NOSIP: variants seen among roughly 807,000 people sequenced by gnomAD.
The protein encoded by NOSIP is nitric oxide synthase-interacting protein.
NOSIP carries 25 observed loss-of-function variants against 36.4 expected under a neutral mutation model. The ratio of observed to expected loss-of-function variants is 0.69; its 90% CI spans 0.50 to 0.96. The LOEUF (loss-of-function observed/expected upper bound fraction) is 0.96. Among genes scored for constraint, NOSIP ranks in the 40% least tolerant of loss-of-function variants. The pLI is 0.00. For missense variants in NOSIP, 370 were observed against 429.0 expected, an observed-to-expected ratio of 0.86 and a Z score of 1.21; for synonymous variants, 187 against 179.2, an observed-to-expected ratio of 1.04 and a Z score of -0.35.
At chr19:49,564,977 C>T (rs75391587) in intron 1 of NOSIP, among the ~76,000 whole-genome samples, 1 of 152,258 alleles carries the variant, frequency 6.6e-6, no homozygotes, top group East Asian at 1.9e-4. Context: ...GTAATTACTA[C>T]ACCAGAAGTT....
chr19:49,558,038 T>C (rs2080278455), intron 4 of NOSIP: 1 of 590,146 alleles, frequency 1.7e-6, no homozygotes, highest in Admixed American at 6.3e-5. Context: ...AGACCCACTG[T>C]GCCTCAAACA....
chr19:49,578,708 G>A (rs943606323), intron 1 of NOSIP, among the ~76,000 whole-genome samples: 6 of 150,518 alleles, frequency 4.0e-5, no homozygotes, highest in African/African-American at 9.8e-5. Flanking sequence ...GTGCAGTGGC[G>A]TGATCTCGGC....
intron 1 of NOSIP, among the ~76,000 whole-genome samples, chr19:49,576,059 C>T (rs1053459243): frequency 2.6e-5 from 4 of 152,024 alleles, no homozygotes; most frequent in South Asian, 2.1e-4. Context: ...GGCATGAACC[C>T]GGGAGGTGGA....
At chr19:49,566,467 C>T (rs2080409520) in intron 1 of NOSIP, among the ~76,000 whole-genome samples, 1 of 152,100 alleles carries the variant, frequency 6.6e-6, no homozygotes, top group Non-Finnish European at 1.5e-5. Context: ...CACCACCATG[C>T]CCAGCTAATT....
At chr19:49,567,756 C>T (rs957809475) in intron 1 of NOSIP, among the ~76,000 whole-genome samples, 4 of 152,148 alleles carry the variant, frequency 2.6e-5, no homozygotes, top group African/African-American at 4.8e-5. Flanking sequence ...TGCAACCTCT[C>T]TGCCTCCTGT....
intron 8 of NOSIP, among the ~76,000 whole-genome samples, chr19:49,556,071 AG>A (rs2080234957): frequency 9.4e-6 from 1 of 106,502 alleles, no homozygotes; most frequent in Admixed American, 1.1e-4. Flanking sequence ...GGAGCCGTGG[AG>A]GGCTGGAGGC....
At chr19:49,573,856 TA>T (rs1176364515) in intron 1 of NOSIP, among the ~76,000 whole-genome samples, 5 of 148,018 alleles carry the variant, frequency 3.4e-5, no homozygotes, top group East Asian at 2.0e-4. Flanking sequence ...AGGACTGAAG[TA>T]TTTTTTTTTT....
In NOSIP at chr19:49,560,783, C is replaced by A. The variant is rs546369747; in HGVS notation, c.-1-91G>T. On this transcript the variant is annotated intron_variant, in intron 1 of 8. Coordinates refer to ENST00000596358, the MANE Select transcript of NOSIP (RefSeq NM_001270960.2). This position sits in a 1 kb window ranked among gnomAD's most constrained non-coding sequence, Gnocchi z 4.6. Reference sequence around the variant, plus strand: ...GCAGCCCTCAGAGCTGATCTGCCCCCCTTGATGGGAAAGCGGAGGCGGAGA... The same window carrying A: ...GCAGCCCTCAGAGCTGATCTGCCCCACTTGATGGGAAAGCGGAGGCGGAGA... The A allele has an allele frequency of 2.0e-6, 2 of 980,620 alleles. No homozygotes were observed. Among genetic ancestry groups the A allele is most frequent in the East Asian group, 2.6e-5 (1 of 37,980 alleles). The allele number at this position is 980,620 out of a possible 1,614,324, so 60.7% of individuals were successfully genotyped here.
At chr19:49,572,262 T>A (rs903307063) in intron 1 of NOSIP, among the ~76,000 whole-genome samples, 2 of 151,226 alleles carry the variant, frequency 1.3e-5, no homozygotes, top group African/African-American at 4.9e-5. Flanking sequence ...CCCGCCACCA[T>A]GCCTGGCTAA....
At chr19:49,573,882 C>CG (rs1304378224) in intron 1 of NOSIP, among the ~76,000 whole-genome samples, 1 of 137,684 alleles carries the variant, frequency 7.3e-6, no homozygotes, top group African/African-American at 2.8e-5. Flanking sequence ...TTTTTGGAGA[C>CG]GGAGTCTCAC....
At chr19:49,559,714 A>G (rs1001753388) in intron 3 of NOSIP, 1 of 568,016 alleles carries the variant, frequency 1.8e-6, no homozygotes. Flanking sequence ...TGAGAGCCCT[A>G]CACCCCATTA....
At chr19:49,573,224 C>T (rs1172872729) in intron 1 of NOSIP, among the ~76,000 whole-genome samples, 1 of 152,162 alleles carries the variant, frequency 6.6e-6, no homozygotes, top group Non-Finnish European at 1.5e-5. Flanking sequence ...TGGCTGCAGG[C>T]GGCCTCAGGC....
intron 1 of NOSIP, among the ~76,000 whole-genome samples, chr19:49,562,378 C>G (rs894081916): frequency 8.5e-5 from 13 of 152,178 alleles, no homozygotes; most frequent in African/African-American, 3.1e-4. Context: ...CCTGCCTCAG[C>G]CTCCCAAAGT....
At chr19:49,566,772 A>G (rs2080413371) in intron 1 of NOSIP, 1 of 145,210 alleles carries the variant, frequency 6.9e-6, no homozygotes, top group South Asian at 2.2e-4. Context: ...ACCAGCCTTA[A>G]AAATATAAAT....
At chr19:49,568,257 T>C (rs933199304) in intron 1 of NOSIP, among the ~76,000 whole-genome samples, 1 of 152,134 alleles carries the variant, frequency 6.6e-6, no homozygotes, top group Non-Finnish European at 1.5e-5. Flanking sequence ...AAGTTTGTTG[T>C]GGCAATGGGT....
chr19:49,556,115 G>C (rs1174851783), intron 8 of NOSIP, among the ~76,000 whole-genome samples: 1 of 114,398 alleles, frequency 8.7e-6, no homozygotes, highest in African/African-American at 3.7e-5. Context: ...AAGGAAGGAG[G>C]AGGCGGGGCC....
At chr19:49,569,824 C>A (rs919985178) in intron 1 of NOSIP, among the ~76,000 whole-genome samples, 1 of 148,498 alleles carries the variant, frequency 6.7e-6, no homozygotes, top group Non-Finnish European at 1.5e-5. Flanking sequence ...ACAAAAACAA[C>A]AACAACAACA....
intron 1 of NOSIP, among the ~76,000 whole-genome samples, chr19:49,577,284 C>T (rs1011033079): frequency 1.1e-4 from 17 of 152,096 alleles, no homozygotes; most frequent in Admixed American, 9.8e-4. Context: ...GCAGGCGGGG[C>T]GCGGTGGCTC....
chr19:49,565,051 G>A (rs1345304054), intron 1 of NOSIP, among the ~76,000 whole-genome samples: 2 of 152,158 alleles, frequency 1.3e-5, no homozygotes, highest in African/African-American at 4.8e-5. Context: ...CAAGGCAGGA[G>A]GATTGTTTGA....
Sources: gnomAD v4.1 joint callset for allele counts (sites outside exome capture counted in the v4.1 genomes callset) on GRCh38, gnomAD v4.1.1 for gene constraint, Gnocchi (gnomAD v3.1) non-coding constraint, MANE v1.5 for transcripts, NCBI Gene and HGNC (gene_info 2026-07-23, HGNC 2026-07-21) for gene names.